Variants in HERPUD2 observed in about 807,000 individuals in gnomAD.
HERPUD2 encodes the protein HERPUD family member 2, also known as homocysteine-responsive endoplasmic reticulum-resident ubiquitin-like domain member 2 protein.
Under a neutral mutation model 49.9 loss-of-function variants are expected in HERPUD2, and 13 were observed. That is an observed-to-expected ratio of 0.26 (90% CI 0.17 to 0.41). HERPUD2 has a LOEUF of 0.41. HERPUD2 is among the 10% of genes least tolerant of loss of function. HERPUD2 has a pLI of 1.00. For missense variants in HERPUD2, 449 were observed against 492.2 expected (o/e 0.91, Z 0.83); for synonymous variants, 172 against 171.4 (o/e 1.00, Z -0.03).
At chr7:35,635,583 C>T in intron 6 of HERPUD2, 125 bp from the exon 7 acceptor site, 1 of 758,172 alleles carries the variant, frequency 1.3e-6, no homozygotes, top group Non-Finnish European at 2.1e-6. Flanking sequence ...CCAACTCCTG[C>T]ACCACATTTC....
chr7:35,694,214 C>G lies in HERPUD2; in HGVS notation c.117G>C (p.Thr39=), dbSNP rs371043022. 3.1e-6 allele frequency: 5 copies of G among 1,613,944 alleles called. No homozygotes were observed. The highest frequency in any genetic ancestry group is 1.3e-5 in the African/African-American group (1 of 74,862). The change falls in exon 2 of 9, where the codon ACG becomes ACC. Residue 39 remains threonine (T), a synonymous_variant. Transcript: ENST00000311350. ...TGCTAGGGTAAACGTTAGATAGATG[C>G]GTTTTTAGTTTCCCCACGGTCCAGT... ...FLNWTVGKLK[T]HLSNVYPSKP...
At chr7:35,650,561 C>T (rs775386352) in intron 5 of HERPUD2, among the ~76,000 whole-genome samples, 22 of 152,144 alleles carry the variant, frequency 1.4e-4, no homozygotes, top group Non-Finnish European at 2.4e-4. Flanking sequence ...CCAAGAACTC[C>T]GGTACCTCAC....
Position 35,668,343 on chromosome 7 carries a change from G to A in HERPUD2, c.340-755C>T, listed in dbSNP as rs892606330. Among the ~76,000 whole-genome samples, 14 of 152,046 alleles carry A rather than the reference G, an allele frequency of 9.2e-5. 1 individual carries two copies. The highest frequency in any genetic ancestry group is 3.1e-4 in the African/African-American group (13 of 41,402). ...CATGCTCAAATCTTTTTATTCTCGT[G>A]CTCATGGATTCAGTAACCATAAACA... On this transcript the variant is annotated intron_variant, in intron 4 of 8. Transcript: ENST00000311350.
intron 7 of HERPUD2, among the ~76,000 whole-genome samples, chr7:35,634,808 C>A (rs1467439999): frequency 2.0e-5 from 3 of 152,176 alleles, no homozygotes; most frequent in Non-Finnish European, 4.4e-5. Flanking sequence ...ATAGAACTTA[C>A]TATTGGTAAT....
In HERPUD2 at chr7:35,673,279, C is replaced by T; in HGVS notation, c.148-1G>A. ...ACACCAATCTCTGATCCTTCGTCAACTAAGAAATGGGACAAAGAAAAGAAT... is the reference window on the plus strand; with the variant it reads ...ACACCAATCTCTGATCCTTCGTCAATTAAGAAATGGGACAAAGAAAAGAAT... On this transcript the variant is annotated splice_acceptor_variant, in intron 2 of 8. Transcript: ENST00000311350. LOFTEE classifies it high-confidence loss of function. 6.2e-7 allele frequency: 1 copy of T among 1,604,582 alleles called. No individual in the cohort carries two copies. Among genetic ancestry groups the T allele is most frequent in the Non-Finnish European group, 8.5e-7 (1 of 1,174,480 alleles).
At chr7:35,638,629 AATATGTCTTAC>A (rs1337545787) in intron 5 of HERPUD2, among the ~76,000 whole-genome samples, 157 bp from the exon 6 acceptor site, 17 of 152,382 alleles carry the variant, frequency 1.1e-4, no homozygotes, top group African/African-American at 4.1e-4. Context: ...CAAATAAGAC[AATATGTCTTAC>A]ATAAGTTGAC....
At chr7:35,689,130 G>C (rs771054260) in intron 2 of HERPUD2, among the ~76,000 whole-genome samples, 2 of 152,054 alleles carry the variant, frequency 1.3e-5, no homozygotes, top group South Asian at 2.1e-4. Flanking sequence ...ATTCTATCTG[G>C]AAAGTATTGA....
chr7:35,662,265 AT>A (rs1785441092), intron 5 of HERPUD2, among the ~76,000 whole-genome samples: 2 of 152,174 alleles, frequency 1.3e-5, no homozygotes, highest in African/African-American at 4.8e-5. Flanking sequence ...GTGCTGCTGG[AT>A]TCAGCTTGCC....
chr7:35,661,647 G>A (rs1785424641), intron 5 of HERPUD2, among the ~76,000 whole-genome samples: 1 of 152,164 alleles, frequency 6.6e-6, no homozygotes, highest in Non-Finnish European at 1.5e-5. Context: ...TTGTGAATGG[G>A]AGTTCACTCA....
At chr7:35,650,340 C>A (rs73338399) in intron 5 of HERPUD2, among the ~76,000 whole-genome samples, 1,974 of 152,206 alleles carry the variant, frequency 0.013, 46 homozygotes, top group African/African-American at 0.044. Context: ...GGACCCCCAG[C>A]AGTCTACATT....
At chr7:35,691,600 A>T (rs1227371202) in intron 2 of HERPUD2, among the ~76,000 whole-genome samples, 1 of 152,226 alleles carries the variant, frequency 6.6e-6, no homozygotes, top group East Asian at 1.9e-4. Context: ...CTGATAATGA[A>T]AGTAGGCATA....
At chr7:35,654,821 A>G (rs1785240762) in intron 5 of HERPUD2, among the ~76,000 whole-genome samples, 1 of 151,710 alleles carries the variant, frequency 6.6e-6, no homozygotes, top group African/African-American at 2.4e-5. Context: ...GATTACAGGC[A>G]TACACCACTA....
In HERPUD2 at chr7:35,680,430, C is replaced by CAACAAAACA. The variant is rs1251366817; in HGVS notation, c.148-7161_148-7153dup. The stretch of plus-strand genomic sequence containing the variant: ...GTCTCAAAAAACCAAAAAACAAAAA[C>CAACAAAACA]AACAAAACAAACAAAACAAACTTAG... On this transcript the variant is annotated intron_variant, in intron 2 of 8. Transcript: ENST00000311350. Among the ~76,000 whole-genome samples the CAACAAAACA allele has an allele frequency of 2.0e-5, 3 of 152,092 alleles. No homozygotes were observed. The South Asian group carries it at 6.2e-4, about 32-fold the overall frequency.
intron 2 of HERPUD2, among the ~76,000 whole-genome samples, chr7:35,692,056 T>C (rs926319329): frequency 2.6e-5 from 4 of 152,164 alleles, no homozygotes; most frequent in African/African-American, 9.7e-5. Flanking sequence ...GAAAAAAAGG[T>C]TTGCCATGTT....
At position 35,685,783 on chromosome 7, in the gene HERPUD2, G is replaced by C. The variant is rs143223758; in HGVS notation, c.147+8401C>G. 5.4e-3 allele frequency among the ~76,000 whole-genome samples: 821 copies of C among 152,140 alleles called. 6 individuals carry two copies. The highest frequency in any genetic ancestry group is 0.019 in the African/African-American group (789 of 41,544). Reference sequence around the variant, plus strand: ...ACTTGAGGTCAGGAGTTCCAGACCAGTCTGGCCAACATGGTGGAAACCTCA... The same window carrying C: ...ACTTGAGGTCAGGAGTTCCAGACCACTCTGGCCAACATGGTGGAAACCTCA... On this transcript the variant is annotated intron_variant, in intron 2 of 8. Coordinates refer to ENST00000311350, the MANE Select transcript of HERPUD2 (RefSeq NM_022373.5).
intron 5 of HERPUD2, among the ~76,000 whole-genome samples, chr7:35,649,343 G>A (rs1262072100): frequency 2.0e-5 from 3 of 152,046 alleles, no homozygotes; most frequent in East Asian, 3.9e-4. Context: ...AAAACAAACA[G>A]TGTGATGTTT....
intron 5 of HERPUD2, among the ~76,000 whole-genome samples, chr7:35,638,782 T>C (rs1206202177): frequency 6.6e-6 from 1 of 152,150 alleles, no homozygotes; most frequent in African/African-American, 2.4e-5. Context: ...AAGCCAAAAA[T>C]ACCTTCATTT....
At chr7:35,641,635 T>C (rs1784968949) in intron 5 of HERPUD2, among the ~76,000 whole-genome samples, 1 of 152,078 alleles carries the variant, frequency 6.6e-6, no homozygotes, top group South Asian at 2.1e-4. Flanking sequence ...CACAGACCAA[T>C]GGAACAAAAT....
intron 2 of HERPUD2, among the ~76,000 whole-genome samples, chr7:35,675,356 T>C (rs76019911): frequency 0.074 from 11,339 of 152,274 alleles, 598 homozygotes; most frequent in South Asian, 0.21. Flanking sequence ...TATATGACCA[T>C]AAGTTGAATG....
Sources: gnomAD v4.1 joint callset for allele counts (sites outside exome capture counted in the v4.1 genomes callset) on GRCh38, gnomAD v4.1.1 for gene constraint, MANE v1.5 for transcripts, NCBI Gene and HGNC (gene_info 2026-07-23, HGNC 2026-07-21) for gene names.